NLGN1: variants seen among roughly 807,000 people sequenced by gnomAD.
NLGN1 encodes the protein neuroligin 1.
A neutral mutation model predicts 65.5 loss-of-function variants in NLGN1; 12 were observed. The observed-to-expected ratio is 0.18, with a 90% CI of 0.12 to 0.30. NLGN1 has a LOEUF of 0.30. Among genes scored for constraint, NLGN1 ranks in the 10% least tolerant of loss-of-function variants. The probability of loss-of-function intolerance (pLI) is 1.00; values close to 1 mark genes in which losing one functional copy is unlikely to be tolerated. For missense variants in NLGN1, 750 were observed against 1,007.1 expected (o/e 0.74, Z 3.46); for synonymous variants, 350 against 359.5 (o/e 0.97, Z 0.30).
intron 4 of NLGN1, among the ~76,000 whole-genome samples, chr3:174,231,489 T>C (rs931405309): frequency 5.3e-5 from 8 of 152,200 alleles, no homozygotes; most frequent in African/African-American, 1.2e-4. Flanking sequence ...TTGTTACAGG[T>C]GCATACTACT....
intron 3 of NLGN1, among the ~76,000 whole-genome samples, chr3:173,709,667 G>T (rs535270399): frequency 6.6e-6 from 1 of 151,826 alleles, no homozygotes; most frequent in Non-Finnish European, 1.5e-5. Context: ...GCCGGGCATG[G>T]TGGTGAGTGC....
intron 4 of NLGN1, among the ~76,000 whole-genome samples, chr3:173,963,643 T>G (rs1714121774): frequency 6.6e-6 from 1 of 152,006 alleles, no homozygotes; most frequent in Non-Finnish European, 1.5e-5. Context: ...CAAAAAGCAA[T>G]AAAAATGAGA....
rs150132670 is a variant in NLGN1 at position 173,518,801 on chromosome 3, C to T, written c.-321+83723C>T. Among the ~76,000 whole-genome samples the T allele has an allele frequency of 1.8e-4, 28 of 152,152 alleles. 1 individual carries two copies. The highest frequency in any genetic ancestry group is 6.2e-4 in the South Asian group (3 of 4,828). ...CAGCTACGTGGTAGAAAAGAAAAATCCATTTTCAGGGGAGAAATTCAAGCT... is the reference window on the plus strand; with the variant it reads ...CAGCTACGTGGTAGAAAAGAAAAATTCATTTTCAGGGGAGAAATTCAAGCT... On this transcript the variant is annotated intron_variant, in intron 2 of 6. Transcript: ENST00000457714.
At chr3:174,228,188 G>A (rs181406821) in intron 4 of NLGN1, among the ~76,000 whole-genome samples, 133 of 151,802 alleles carry the variant, frequency 8.8e-4, no homozygotes, top group African/African-American at 3.2e-3. Context: ...ATTACCTTTT[G>A]TTCATTTGAT....
At chr3:173,523,751 T>C (rs73043571) in intron 2 of NLGN1, among the ~76,000 whole-genome samples, 21,093 of 151,464 alleles carry the variant, frequency 0.14, 3,221 homozygotes, top group African/African-American at 0.37. Context: ...CTTTTTTGAT[T>C]ACATATGAAA....
intron 3 of NLGN1, among the ~76,000 whole-genome samples, chr3:173,688,723 A>G (rs2149813499): frequency 6.6e-6 from 1 of 152,324 alleles, no homozygotes; most frequent in Middle Eastern, 3.4e-3. Flanking sequence ...TTAACTGAGC[A>G]TCCCAATATG....
intron 4 of NLGN1, among the ~76,000 whole-genome samples, chr3:174,069,534 A>C (rs1367249986): frequency 6.6e-6 from 1 of 152,172 alleles, no homozygotes; most frequent in Admixed American, 6.5e-5. Flanking sequence ...ATTTATATAA[A>C]CCTATGTTAT....
At chr3:173,865,950 C>T (rs542410344) in intron 4 of NLGN1, among the ~76,000 whole-genome samples, 2 of 152,038 alleles carry the variant, frequency 1.3e-5, no homozygotes, top group African/African-American at 2.4e-5. Flanking sequence ...ACCACATGGG[C>T]CTGGAGACTG....
chr3:173,972,626 A>G (rs1027596108), intron 4 of NLGN1, among the ~76,000 whole-genome samples: 1 of 152,120 alleles, frequency 6.6e-6, no homozygotes. Context: ...AAGAGCTAAA[A>G]GAACAGAAAT....
At chr3:173,861,705 A>T (rs1038473874) in intron 4 of NLGN1, among the ~76,000 whole-genome samples, 1 of 151,730 alleles carries the variant, frequency 6.6e-6, no homozygotes, top group East Asian at 1.9e-4. Flanking sequence ...AAGTGTGAAG[A>T]TGTGGGGATA....
chr3:173,893,221 A>AC (rs1476350987), intron 4 of NLGN1, among the ~76,000 whole-genome samples: 6 of 152,230 alleles, frequency 3.9e-5, no homozygotes, highest in African/African-American at 1.4e-4. Flanking sequence ...CCATCTAGTC[A>AC]CCCAAGCCAG....
At chr3:174,114,705 A>G (rs745696502) in intron 4 of NLGN1, among the ~76,000 whole-genome samples, 3 of 152,130 alleles carry the variant, frequency 2.0e-5, no homozygotes, top group Non-Finnish European at 4.4e-5. Context: ...CATAGTTTAC[A>G]TGCACTTATA....
intron 4 of NLGN1, among the ~76,000 whole-genome samples, chr3:173,913,237 G>T (rs1376910464): frequency 6.6e-6 from 1 of 152,164 alleles, no homozygotes; most frequent in Non-Finnish European, 1.5e-5. Flanking sequence ...CAAAGAAAGA[G>T]TAAGTGGAAG....
exon 4 of NLGN1, chr3:173,807,762 T>C (rs767727102): frequency 1.9e-6 from 3 of 1,613,704 alleles, no homozygotes; most frequent in Non-Finnish European, 2.5e-6. Context: ...GAAATTTATA[T>C]GATGGAAGTG....
chr3:174,004,428 A>G (rs1418627969), intron 4 of NLGN1, among the ~76,000 whole-genome samples: 1 of 152,140 alleles, frequency 6.6e-6, no homozygotes, highest in Non-Finnish European at 1.5e-5. Context: ...CACTTCTTGC[A>G]ACAGCTATCA....
intron 4 of NLGN1, among the ~76,000 whole-genome samples, chr3:173,960,898 T>C (rs1713388621): frequency 6.6e-6 from 1 of 152,058 alleles, no homozygotes; most frequent in South Asian, 2.1e-4. Context: ...ATATATACTT[T>C]ACAGATTATC....
At chr3:173,639,012 G>A (rs78757471) in intron 3 of NLGN1, among the ~76,000 whole-genome samples, 260 of 152,286 alleles carry the variant, frequency 1.7e-3, no homozygotes, top group African/African-American at 6.0e-3. Flanking sequence ...CTGGCCAGTT[G>A]TGTGCTCAAC....
At chr3:174,275,672 C>T in intron 5 of NLGN1, 145 bp downstream of exon 5, 2 of 619,528 alleles carry the variant, frequency 3.2e-6, no homozygotes, top group South Asian at 4.1e-5. Flanking sequence ...TTCAGTTTTT[C>T]TGTGCATGTT....
chr3:174,182,590 G>A (rs1051244721), intron 4 of NLGN1, among the ~76,000 whole-genome samples: 2 of 152,164 alleles, frequency 1.3e-5, no homozygotes, highest in South Asian at 2.1e-4. Context: ...CCCAGGAGAC[G>A]TGGGTGCCAC....
Sources: gnomAD v4.1 joint callset for allele counts (sites outside exome capture counted in the v4.1 genomes callset) on GRCh38, gnomAD v4.1.1 for gene constraint, MANE v1.5 for transcripts, NCBI Gene and HGNC (gene_info 2026-07-23, HGNC 2026-07-21) for gene names.